Variants in ZNF469 observed in about 807,000 individuals in gnomAD.
The protein encoded by ZNF469 is zinc finger protein 469.
Under a neutral mutation model 1.0 loss-of-function variants are expected in ZNF469, and 1 was observed. The ratio of observed to expected loss-of-function variants is 1.00; its 90% CI spans 0.35 to 4.73. The LOEUF (loss-of-function observed/expected upper bound fraction) is 4.73, where lower values mean the gene tolerates loss of function less well. Among genes scored for constraint, ZNF469 ranks in the 30% most tolerant of loss-of-function variants. The pLI is 0.16. For missense variants in ZNF469, 6,100 were observed against 5,356.3 expected, an observed-to-expected ratio of 1.14 and a Z score of -4.33; for synonymous variants, 2,703 against 2,363.4, an observed-to-expected ratio of 1.14 and a Z score of -4.17.
the ZNF469 span, among the ~76,000 whole-genome samples, chr16:88,372,633 AC>A: frequency 6.6e-6 from 1 of 150,704 alleles, no homozygotes; most frequent in African/African-American, 2.5e-5. Flanking sequence ...CTTCACCATC[AC>A]CACCATCATC....
At chr16:88,376,943 G>T in the ZNF469 span, among the ~76,000 whole-genome samples, 20 of 152,348 alleles carry the variant, frequency 1.3e-4, no homozygotes, top group East Asian at 3.9e-3. Context: ...GCCTCCTACT[G>T]GGTAAAGCAG....
the ZNF469 span, among the ~76,000 whole-genome samples, chr16:88,264,549 C>G: frequency 5.0e-3 from 749 of 151,148 alleles, 8 homozygotes; most frequent in African/African-American, 0.017. Context: ...CAGCCCTGGC[C>G]CCTCATCCCA....
chr16:88,181,843 T>C, the ZNF469 span, among the ~76,000 whole-genome samples: 1 of 152,216 alleles, frequency 6.6e-6, no homozygotes, highest in African/African-American at 2.4e-5. Context: ...AGAATGTCAC[T>C]CTCATCACTC....
At chr16:88,239,604 C>A in the ZNF469 span, among the ~76,000 whole-genome samples, 28 of 145,058 alleles carry the variant, frequency 1.9e-4, no homozygotes, top group African/African-American at 6.0e-4. Flanking sequence ...TCTCCTGCCT[C>A]AGCCTCCCGA....
At chr16:88,113,340 G>A in the ZNF469 span, among the ~76,000 whole-genome samples, 2 of 152,202 alleles carry the variant, frequency 1.3e-5, no homozygotes, top group Non-Finnish European at 2.9e-5. Context: ...TCCCAGCACC[G>A]TTTATGGAAG....
the ZNF469 span, among the ~76,000 whole-genome samples, chr16:88,124,885 A>G: frequency 6.6e-6 from 1 of 152,250 alleles, no homozygotes; most frequent in Non-Finnish European, 1.5e-5. Context: ...CGCCCGGCCA[A>G]GAATAGAAGT....
intron 1 of ZNF469, among the ~76,000 whole-genome samples, chr16:88,411,904 C>A (rs956550341): frequency 1.2e-3 from 13 of 10,484 alleles, no homozygotes; most frequent in Non-Finnish European, 2.1e-3. Context: ...AGGGCCCCCA[C>A]CAGCCTGCCC....
the ZNF469 span, among the ~76,000 whole-genome samples, chr16:88,205,825 G>T: frequency 6.6e-6 from 1 of 152,154 alleles, no homozygotes; most frequent in Non-Finnish European, 1.5e-5. This position sits in a 1 kb window ranked among gnomAD's most constrained non-coding sequence, Gnocchi z 4.2. Flanking sequence ...GCACAGGCCA[G>T]AAAAAATGAT....
chr16:88,293,665 T>TG, the ZNF469 span, among the ~76,000 whole-genome samples: 110 of 152,210 alleles, frequency 7.2e-4, no homozygotes, highest in African/African-American at 2.6e-3. Context: ...AAAGCTTCAT[T>TG]GGGGGGTGTA....
chr16:88,267,111 G>A, the ZNF469 span, among the ~76,000 whole-genome samples: 8 of 152,148 alleles, frequency 5.3e-5, no homozygotes, highest in East Asian at 3.9e-4. Context: ...TTCTCCCTGC[G>A]GCTCACACTG....
the ZNF469 span, among the ~76,000 whole-genome samples, chr16:88,101,211 C>T: frequency 4.6e-5 from 7 of 152,356 alleles, no homozygotes; most frequent in Admixed American, 2.6e-4. Context: ...GGCTCGCAAC[C>T]GAGGGGGTGC....
the ZNF469 span, among the ~76,000 whole-genome samples, chr16:88,359,016 G>A: frequency 3.9e-5 from 6 of 152,140 alleles, no homozygotes; most frequent in East Asian, 1.9e-4. Context: ...TCACTTCTAC[G>A]GGGACTCCCC....
At chr16:88,207,729 C>A in the ZNF469 span, among the ~76,000 whole-genome samples, 2 of 145,918 alleles carry the variant, frequency 1.4e-5, no homozygotes, top group African/African-American at 2.5e-5. Context: ...CTTGTGGCCG[C>A]ATCGCTCCCG....
chr16:88,191,666 G>GCTTC, the ZNF469 span: 4 of 152,310 alleles, frequency 2.6e-5, no homozygotes, highest in Admixed American at 6.5e-5. Flanking sequence ...TGCTGGGGCT[G>GCTTC]CTTCCTTCCT....
upstream of ZNF469, among the ~76,000 whole-genome samples, chr16:88,380,892 GCACTCACACA>G (rs2092521064): frequency 9.0e-6 from 1 of 111,320 alleles, no homozygotes; most frequent in South Asian, 3.5e-4. Context: ...ACCCAGACAT[GCACTCACACA>G]CACTCACAGA....
At chr16:88,380,502 C>G (rs1382171643), upstream of ZNF469, among the ~76,000 whole-genome samples, 1 of 60,748 alleles carries the variant, frequency 1.6e-5, no homozygotes, top group Non-Finnish European at 2.4e-5. Context: ...CACATGCACT[C>G]ACACAGACAT....
chr16:88,331,215 G>T, the ZNF469 span, among the ~76,000 whole-genome samples: 1 of 46,672 alleles, frequency 2.1e-5, no homozygotes, highest in South Asian at 7.4e-4. Context: ...CATCACAACC[G>T]TCACCACCAC....
At chr16:88,122,080 G>A in the ZNF469 span, among the ~76,000 whole-genome samples, 4,574 of 124,372 alleles carry the variant, frequency 0.037, 173 homozygotes, top group Non-Finnish European at 0.06. Context: ...GTCACTTGCT[G>A]CGGCCTCGGC....
chr16:88,261,736 G>A, the ZNF469 span, among the ~76,000 whole-genome samples: 8 of 152,174 alleles, frequency 5.3e-5, no homozygotes, highest in South Asian at 2.1e-4. The surrounding 1 kb of genome is among the most constrained non-coding windows in gnomAD (Gnocchi z 6.0). Flanking sequence ...GGTCTGTCTC[G>A]GGTGGGGGCT....
Sources: allele counts gnomAD v4.1 joint callset (sites outside exome capture counted in the v4.1 genomes callset), GRCh38; gene constraint gnomAD v4.1.1; non-coding constraint Gnocchi (gnomAD v3.1); transcripts MANE v1.5; gene names NCBI Gene and HGNC (gene_info 2026-07-23, HGNC 2026-07-21).